Variants in RGS6 observed in about 807,000 individuals in gnomAD.
RGS6 encodes regulator of G protein signaling 6.
RGS6 carries 30 observed loss-of-function variants against 78.5 expected under a neutral mutation model. That is an observed-to-expected ratio of 0.38 (90% CI 0.29 to 0.52). RGS6 has a LOEUF of 0.52. Ranked by LOEUF, RGS6 falls within the 20% of genes least tolerant of loss-of-function variation. The pLI is 0.85. For synonymous variants in RGS6, 206 were observed against 206.0 expected (o/e 1.00, Z 0.00); for missense variants, 495 against 609.7 (o/e 0.81, Z 1.98).
intron 2 of RGS6, among the ~76,000 whole-genome samples, chr14:72,310,128 C>T (rs151321728): frequency 2.6e-5 from 4 of 152,326 alleles, no homozygotes; most frequent in African/African-American, 9.6e-5. Flanking sequence ...CTTCTCCACC[C>T]CGGTGTTCCC....
chr14:72,479,000 C>A (rs1181839486), intron 12 of RGS6, among the ~76,000 whole-genome samples: 2 of 152,196 alleles, frequency 1.3e-5, no homozygotes, highest in East Asian at 3.8e-4. Context: ...TCTAACCAGG[C>A]AGCTCAGTAG....
At chr14:71,955,290 T>C (rs985125137) in intron 1 of RGS6, among the ~76,000 whole-genome samples, 1 of 152,202 alleles carries the variant, frequency 6.6e-6, no homozygotes, top group Admixed American at 6.5e-5. Context: ...ATTAACCATC[T>C]AATTAAGAGC....
intron 2 of RGS6, among the ~76,000 whole-genome samples, chr14:72,026,853 A>G (rs2153304397): frequency 6.6e-6 from 1 of 152,342 alleles, no homozygotes; most frequent in Non-Finnish European, 1.5e-5. Context: ...GTGTATGGCT[A>G]CAGAGACAAT....
intron 2 of RGS6, among the ~76,000 whole-genome samples, chr14:72,288,170 G>A (rs919189937): frequency 2.0e-5 from 3 of 152,038 alleles, no homozygotes; most frequent in Admixed American, 6.5e-5. Context: ...AAGGATTGGT[G>A]TTTTAAAAAA....
intron 8 of RGS6, among the ~76,000 whole-genome samples, chr14:72,471,306 A>G (rs2096071828): frequency 6.6e-6 from 1 of 152,142 alleles, no homozygotes; most frequent in South Asian, 2.1e-4. Context: ...CCCCACAAAC[A>G]TCGTTGTCAA....
chr14:71,990,950 C>G (rs2094930918), intron 2 of RGS6: 1 of 428,248 alleles, frequency 2.3e-6, no homozygotes, highest in African/African-American at 2.0e-5. Context: ...GAACCTGATT[C>G]TCTTTGACAG....
intron 12 of RGS6, among the ~76,000 whole-genome samples, chr14:72,484,859 G>T (rs2096458367): frequency 6.6e-6 from 1 of 151,606 alleles, no homozygotes; most frequent in Non-Finnish European, 1.5e-5. Context: ...GCTATTTAAT[G>T]GCATAGTAGG....
At chr14:71,953,664 A>AT (rs917765007) in intron 1 of RGS6, among the ~76,000 whole-genome samples, 5 of 151,828 alleles carry the variant, frequency 3.3e-5, no homozygotes, top group African/African-American at 7.3e-5. Flanking sequence ...TTTAAAAAAT[A>AT]TTTTTTTTGT....
At chr14:72,287,411 C>T (rs184835753) in intron 2 of RGS6, among the ~76,000 whole-genome samples, 18 of 152,140 alleles carry the variant, frequency 1.2e-4, no homozygotes, top group Admixed American at 3.3e-4. Context: ...TTTTATTTTT[C>T]GTTAGTATAA....
At chr14:72,429,694 A>C (rs1362098454) in intron 3 of RGS6, among the ~76,000 whole-genome samples, 1 of 152,242 alleles carries the variant, frequency 6.6e-6, no homozygotes, top group Non-Finnish European at 1.5e-5. Flanking sequence ...AAGCCTTGTC[A>C]TAGATGGGCT....
chr14:72,251,874 G>C (rs2055876697), intron 2 of RGS6, among the ~76,000 whole-genome samples: 2 of 152,186 alleles, frequency 1.3e-5, no homozygotes, highest in South Asian at 4.2e-4. Flanking sequence ...AAGTTGAAAA[G>C]AAAAGAAAAA....
intron 2 of RGS6, among the ~76,000 whole-genome samples, chr14:72,268,671 C>T (rs1253674107): frequency 6.6e-6 from 1 of 152,220 alleles, no homozygotes; most frequent in East Asian, 1.9e-4. Flanking sequence ...AGCAGTGATT[C>T]ATCCACCCTG....
chr14:72,236,480 T>C (rs866948044), intron 2 of RGS6, among the ~76,000 whole-genome samples: 1 of 152,228 alleles, frequency 6.6e-6, no homozygotes, highest in Admixed American at 6.5e-5. Flanking sequence ...TGCATACACC[T>C]GTGTAATGCC....
intron 2 of RGS6, among the ~76,000 whole-genome samples, chr14:72,124,736 T>G (rs746085644): frequency 2.6e-5 from 4 of 152,222 alleles, no homozygotes; most frequent in Non-Finnish European, 5.9e-5. Flanking sequence ...CTCTCCTTAA[T>G]AACTTTCACT....
chr14:72,142,389 T>C (rs945800667), intron 2 of RGS6, among the ~76,000 whole-genome samples: 5 of 152,118 alleles, frequency 3.3e-5, no homozygotes, highest in African/African-American at 7.2e-5. Flanking sequence ...CTATGAATTA[T>C]AAATGAAAAC....
intron 2 of RGS6, among the ~76,000 whole-genome samples, chr14:72,330,049 G>A (rs1216607847): frequency 6.6e-6 from 1 of 152,204 alleles, no homozygotes; most frequent in Non-Finnish European, 1.5e-5. Flanking sequence ...GCACCCAACA[G>A]CAGGTTCACA....
At chr14:71,978,929 C>T (rs1185887896) in intron 2 of RGS6, among the ~76,000 whole-genome samples, 1 of 145,122 alleles carries the variant, frequency 6.9e-6, no homozygotes, top group African/African-American at 2.5e-5. Context: ...TGATTATTGC[C>T]ACAATTTCAG....
chr14:72,307,604 C>G (rs1037800740), intron 2 of RGS6, among the ~76,000 whole-genome samples: 3 of 152,124 alleles, frequency 2.0e-5, no homozygotes, highest in African/African-American at 7.2e-5. Flanking sequence ...TTCCATGGAT[C>G]TGTCTCTTCA....
intron 2 of RGS6, among the ~76,000 whole-genome samples, chr14:71,973,710 GGGTAACTAATTTAA>G (rs2093947362): frequency 6.6e-6 from 1 of 152,104 alleles, no homozygotes; most frequent in South Asian, 2.1e-4. Flanking sequence ...AAAGTGTTCA[GGGTAACTAATTTAA>G]TTGTTCAGTC....
Sources: allele counts gnomAD v4.1 joint callset (sites outside exome capture counted in the v4.1 genomes callset), GRCh38; gene constraint gnomAD v4.1.1; transcripts MANE v1.5; gene names NCBI Gene and HGNC (gene_info 2026-07-23, HGNC 2026-07-21).